The following ASIC2 variants were observed in gnomAD, a reference collection of about 807,000 sequenced individuals.
The protein encoded by ASIC2 is acid-sensing ion channel 2.
In ASIC2, 25 loss-of-function variants were observed where a neutral mutation model predicts 57.3. The observed-to-expected ratio is 0.44, with a 90% CI of 0.32 to 0.61. The LOEUF is 0.61. Among genes scored for constraint, ASIC2 ranks in the 20% least tolerant of loss-of-function variants. The pLI is 0.06. For missense variants in ASIC2, 641 were observed against 738.1 expected, an observed-to-expected ratio of 0.87 and a Z score of 1.52; for synonymous variants, 319 against 307.5, an observed-to-expected ratio of 1.04 and a Z score of -0.39.
rs144411165 is a variant in ASIC2, at chr17:33,885,446, C to T, written c.555+270532G>A. Among the ~76,000 whole-genome samples, 383 of 152,272 alleles carry T rather than the reference C, an allele frequency of 2.5e-3. 4 individuals carry two copies. The highest frequency in any genetic ancestry group is 8.8e-3 in the African/African-American group (365 of 41,556). On this transcript the variant is annotated intron_variant, in intron 1 of 9. Transcript: ENST00000359872. Reference sequence around the variant, plus strand: ...TATAGGGCAGGATTATTATATTACACATTACTATGTCTATTGTATAAGCTA... The same window carrying T: ...TATAGGGCAGGATTATTATATTACATATTACTATGTCTATTGTATAAGCTA...
intron 1 of ASIC2, among the ~76,000 whole-genome samples, chr17:33,599,456 G>T (rs1776832530): frequency 6.6e-6 from 1 of 152,196 alleles, no homozygotes; most frequent in African/African-American, 2.4e-5. Flanking sequence ...AGAATAACGG[G>T]AGGTCACCTG....
rs557915737 is a variant in ASIC2 at position 33,847,374 on chromosome 17, G to A, written c.555+308604C>T. Among the ~76,000 whole-genome samples the A allele has an allele frequency of 3.9e-5, 6 of 152,048 alleles. No individual in the cohort carries two copies. In the East Asian group the frequency reaches 1.2e-3, roughly 29 times the overall value. ...TTACCATCCAGTAAGAGTCAATCCT[G>A]GGGAACAGGCCTTGCAGACAGCCCC... is the stretch of plus-strand genomic sequence containing the variant. On this transcript the variant is annotated intron_variant, in intron 1 of 9. Coordinates refer to the ASIC2 transcript ENST00000359872.
chr17:33,466,207 A>G (rs1365671944), intron 1 of ASIC2, among the ~76,000 whole-genome samples: 1 of 152,222 alleles, frequency 6.6e-6, no homozygotes, highest in East Asian at 1.9e-4. Context: ...AGACAAACAG[A>G]GAGCCAAATC....
In ASIC2 at chr17:33,017,704, A is replaced by T. The variant is rs374019520; in HGVS notation, c.1442-20T>A. On this transcript the variant is annotated intron_variant, in intron 7 of 9. Coordinates refer to ENST00000225823, the MANE Select transcript of ASIC2 (RefSeq NM_183377.2). ...TATCACCTGGAGAGAGAGGGAAAAG[A>T]CCAAAGCTTTGCTTTTATGCAGCTT... is the stretch of plus-strand genomic sequence containing the variant. 26 of 1,607,480 alleles carry T rather than the reference A, an allele frequency of 1.6e-5. No homozygotes were observed. In the Admixed American group the frequency reaches 2.7e-4, roughly 17 times the overall value.
chr17:33,614,227 A>G lies in ASIC2; in HGVS notation c.556-502160T>C, dbSNP rs377373649. The stretch of plus-strand genomic sequence containing the variant: ...TAAAAATCTGTTTCTTGAGCAAACT[A>G]TTTTCATTAACAGGCTATGAAATAA... On this transcript the variant is annotated intron_variant, in intron 1 of 9. Coordinates refer to the ASIC2 transcript ENST00000359872. Among the ~76,000 whole-genome samples the G allele has an allele frequency of 1.5e-4, 23 of 152,274 alleles. No individual in the cohort carries two copies. In the East Asian group the frequency reaches 2.1e-3, roughly 14 times the overall value.
At chr17:34,021,837 G>GTTTTTTTTTTTTTT (rs11394863) in intron 1 of ASIC2, among the ~76,000 whole-genome samples, 1 of 118,338 alleles carries the variant, frequency 8.5e-6, no homozygotes. Context: ...GTTTTGTTTT[G>GTTTTTTTTTTTTTT]TTTTTTTTTT....
At chr17:33,389,300 G>A (rs1567845114) in intron 1 of ASIC2, among the ~76,000 whole-genome samples, 1 of 152,160 alleles carries the variant, frequency 6.6e-6, no homozygotes, top group African/African-American at 2.4e-5. Context: ...ATGGCACAAT[G>A]TATCCCTTCT....
intron 1 of ASIC2, among the ~76,000 whole-genome samples, chr17:33,129,583 G>C (rs1279653229): frequency 2.6e-5 from 4 of 152,204 alleles, no homozygotes; most frequent in Non-Finnish European, 5.9e-5. Flanking sequence ...TCATAATAAT[G>C]GTGTGGGTTA....
chr17:33,268,469 A>G (rs1305944019), intron 1 of ASIC2, among the ~76,000 whole-genome samples: 1 of 152,178 alleles, frequency 6.6e-6, no homozygotes, highest in Non-Finnish European at 1.5e-5. Context: ...GCAGTAGGAA[A>G]TAAGTAAGGA....
chr17:33,863,764 A>T (rs1914155882), intron 1 of ASIC2, among the ~76,000 whole-genome samples: 1 of 152,196 alleles, frequency 6.6e-6, no homozygotes, highest in South Asian at 2.1e-4. Flanking sequence ...ATCTCTAAAC[A>T]TTAGCTGATT....
At chr17:33,176,150 C>G (rs571577813) in intron 1 of ASIC2, among the ~76,000 whole-genome samples, 2 of 152,182 alleles carry the variant, frequency 1.3e-5, no homozygotes, top group Non-Finnish European at 2.9e-5. Context: ...AGAATCTCCA[C>G]TCTCTAACCC....
At chr17:34,059,384 G>C (rs1908886473) in intron 1 of ASIC2, among the ~76,000 whole-genome samples, 1 of 152,184 alleles carries the variant, frequency 6.6e-6, no homozygotes, top group Non-Finnish European at 1.5e-5. Context: ...TGGCATTACA[G>C]GGAACCATCA....
At chr17:33,520,124 C>T (rs1269906225) in intron 1 of ASIC2, among the ~76,000 whole-genome samples, 3 of 152,166 alleles carry the variant, frequency 2.0e-5, no homozygotes, top group Non-Finnish European at 4.4e-5. Context: ...CTTATTGTGG[C>T]CCCTCCCCAG....
chr17:33,167,783 G>C (rs1244967025), intron 1 of ASIC2, among the ~76,000 whole-genome samples: 1 of 144,346 alleles, frequency 6.9e-6, no homozygotes, highest in African/African-American at 2.5e-5. Context: ...CCAATCCCAA[G>C]ACGTGCCTTC....
At chr17:33,637,283 T>G (rs1906403150) in intron 1 of ASIC2, among the ~76,000 whole-genome samples, 1 of 152,010 alleles carries the variant, frequency 6.6e-6, no homozygotes, top group Non-Finnish European at 1.5e-5. Flanking sequence ...GCCACTGAAG[T>G]GCCCTTTTCC....
chr17:33,144,094 G>A (rs1904441724), intron 1 of ASIC2, among the ~76,000 whole-genome samples: 1 of 151,932 alleles, frequency 6.6e-6, no homozygotes, highest in African/African-American at 2.4e-5. Context: ...GATTGGTCCG[G>A]GGTGGGCACC....
At chr17:33,868,968 G>A (rs1914318155) in intron 1 of ASIC2, among the ~76,000 whole-genome samples, 1 of 152,176 alleles carries the variant, frequency 6.6e-6, no homozygotes, top group Non-Finnish European at 1.5e-5. Context: ...GGGAGGCTGA[G>A]GTTGGAGGAT....
At chr17:34,145,000 G>A (rs948050536) in intron 1 of ASIC2, among the ~76,000 whole-genome samples, 12 of 152,124 alleles carry the variant, frequency 7.9e-5, no homozygotes, top group African/African-American at 2.4e-4. Flanking sequence ...ATGGAACCCG[G>A]CCATGCCCAA....
intron 1 of ASIC2, among the ~76,000 whole-genome samples, chr17:33,628,073 G>T (rs1440970046): frequency 6.6e-6 from 1 of 151,974 alleles, no homozygotes; most frequent in Non-Finnish European, 1.5e-5. Flanking sequence ...GCTGTGTGTG[G>T]GCCTACACAG....
Sources: gnomAD v4.1 joint callset for allele counts (sites outside exome capture counted in the v4.1 genomes callset) on GRCh38, gnomAD v4.1.1 for gene constraint, MANE v1.5 for transcripts, NCBI Gene and HGNC (gene_info 2026-07-23, HGNC 2026-07-21) for gene names.